The following TLK1 variants were observed in gnomAD, a reference collection of about 807,000 sequenced individuals.
The protein encoded by TLK1 is serine/threonine-protein kinase tousled-like 1.
Under a neutral mutation model 105.3 loss-of-function variants are expected in TLK1, and 24 were observed. The ratio of observed to expected loss-of-function variants is 0.23; its 90% CI spans 0.17 to 0.32. The LOEUF (loss-of-function observed/expected upper bound fraction) is 0.32, where lower values mean the gene tolerates loss of function less well. Ranked by LOEUF, TLK1 falls within the 10% of genes least tolerant of loss-of-function variation. The pLI is 1.00. For synonymous variants in TLK1, 321 were observed against 310.4 expected (o/e 1.03, Z -0.36); for missense variants, 558 against 910.5 (o/e 0.61, Z 4.98).
At chr2:171,000,296 T>A (rs1413450562) in intron 18 of TLK1, among the ~76,000 whole-genome samples, 1 of 150,184 alleles carries the variant, frequency 6.7e-6, no homozygotes, top group Non-Finnish European at 1.5e-5. Flanking sequence ...GAGAAATCGC[T>A]TGAACCTGGG....
At chr2:171,221,200 A>G (rs893650324) in intron 1 of TLK1, among the ~76,000 whole-genome samples, 1 of 152,216 alleles carries the variant, frequency 6.6e-6, no homozygotes, top group Non-Finnish European at 1.5e-5. Flanking sequence ...AGTGTAATGA[A>G]TATCTGTTAT....
intron 2 of TLK1, among the ~76,000 whole-genome samples, chr2:171,089,892 C>T (rs181918761): frequency 6.5e-4 from 99 of 152,228 alleles, no homozygotes; most frequent in Admixed American, 4.0e-3. Context: ...GTATAATTCT[C>T]CCAGCTCTGT....
At chr2:171,132,365 A>G (rs1355953944) in intron 1 of TLK1, among the ~76,000 whole-genome samples, 7 of 152,134 alleles carry the variant, frequency 4.6e-5, no homozygotes, top group Non-Finnish European at 8.8e-5. Context: ...TGGGAACTAC[A>G]ATTCAAGATG....
rs777049271 is a variant in TLK1 at position 171,003,273 on chromosome 2, C to CAAAAAAAAA, written c.1904+2865_1904+2873dup. On this transcript the variant is annotated intron_variant, in intron 18 of 20. Coordinates refer to ENST00000431350, the MANE Select transcript of TLK1 (RefSeq NM_012290.5). Reference sequence around the variant, plus strand: ...TGGGCGACAGAGCAAGACTCCGTCTCAAAAAAAAAAAAAAAAAAAAAAAAA... The same window carrying CAAAAAAAAA: ...TGGGCGACAGAGCAAGACTCCGTCTCAAAAAAAAAAAAAAAAAAAAAAAAAAAAAAAAAA... Among the ~76,000 whole-genome samples the CAAAAAAAAA allele has an allele frequency of 1.3e-3, 92 of 68,470 alleles. 1 individual carries two copies. Among genetic ancestry groups the CAAAAAAAAA allele is most frequent in the African/African-American group, 2.5e-3 (30 of 12,220 alleles). 44.9% of individuals were successfully genotyped at this position (68,470 alleles called of 152,430 possible). A position where few individuals can be genotyped will look rare whatever the true frequency, so the allele number is the denominator to read the frequency against.
chr2:171,060,616 T>G (rs565626409), intron 4 of TLK1, among the ~76,000 whole-genome samples: 2 of 152,336 alleles, frequency 1.3e-5, no homozygotes, highest in African/African-American at 4.8e-5. Flanking sequence ...AGATATTTAG[T>G]TAAATGAAAA....
At chr2:171,185,633 C>T (rs1285500276) in intron 1 of TLK1, among the ~76,000 whole-genome samples, 1 of 152,228 alleles carries the variant, frequency 6.6e-6, no homozygotes, top group East Asian at 1.9e-4. Context: ...TCAGATAAAG[C>T]ACCAACTTCC....
In TLK1 at chr2:171,051,528, T is replaced by C. The variant is rs182966818; in HGVS notation, c.733-1354A>G. Among the ~76,000 whole-genome samples the C allele has an allele frequency of 4.0e-3, 605 of 152,284 alleles. 8 individuals carry two copies. Among genetic ancestry groups the C allele is most frequent in the African/African-American group, 0.014 (583 of 41,566 alleles). On this transcript the variant is annotated intron_variant, in intron 8 of 20. Coordinates refer to ENST00000431350, the MANE Select transcript of TLK1 (RefSeq NM_012290.5). ...TATAATTGTGACCCTAATAGATATATTGAACCTTGATGTGACCTTTGAGAT... is the reference window on the plus strand; with the variant it reads ...TATAATTGTGACCCTAATAGATATACTGAACCTTGATGTGACCTTTGAGAT...
chr2:171,033,281 C>G (rs1686135687), intron 11 of TLK1, among the ~76,000 whole-genome samples: 1 of 152,062 alleles, frequency 6.6e-6, no homozygotes, highest in Non-Finnish European at 1.5e-5. Flanking sequence ...GCAATAAATT[C>G]TTAGATTTGT....
chr2:171,194,130 T>C (rs79912846), intron 1 of TLK1, among the ~76,000 whole-genome samples: 5 of 152,298 alleles, frequency 3.3e-5, no homozygotes, highest in East Asian at 3.9e-4. Context: ...AAGGGCATAG[T>C]TGGGGCTCGC....
At position 171,160,547 on chromosome 2, in the gene TLK1, G is replaced by A. The variant is rs1692445575; in HGVS notation, c.-119C>T. Reference sequence around the variant, plus strand: ...AGGGCGAGCGAGAGAGCGAGGGCTGGGAGGGGAGAGTCAAGGGGATGGGGG... The same window carrying A: ...AGGGCGAGCGAGAGAGCGAGGGCTGAGAGGGGAGAGTCAAGGGGATGGGGG... On this transcript the variant is annotated 5_prime_UTR_variant, in exon 1 of 21. Coordinates refer to ENST00000431350, the MANE Select transcript of TLK1 (RefSeq NM_012290.5). This position sits in a 1 kb window ranked among gnomAD's most constrained non-coding sequence, Gnocchi z 4.4. 1 of 1,537,922 alleles carries A rather than the reference G, an allele frequency of 6.5e-7. No homozygotes were observed. The highest frequency in any genetic ancestry group is 2.2e-5 in the Admixed American group (1 of 44,984).
intron 1 of TLK1, among the ~76,000 whole-genome samples, chr2:171,126,452 C>T (rs75772734): frequency 0.02 from 3,070 of 152,222 alleles, 97 homozygotes; most frequent in African/African-American, 0.068. Context: ...ATTACTAGTT[C>T]TGGTTAGTCA....
intron 1 of TLK1, among the ~76,000 whole-genome samples, chr2:171,219,880 T>C (rs753620059): frequency 6.6e-6 from 1 of 152,120 alleles, no homozygotes; most frequent in Non-Finnish European, 1.5e-5. Flanking sequence ...GGATTACAGG[T>C]GTGAGCCACC....
chr2:171,038,882 T>C (rs985688906), intron 11 of TLK1, among the ~76,000 whole-genome samples: 4 of 152,224 alleles, frequency 2.6e-5, no homozygotes, highest in Non-Finnish European at 5.9e-5. Flanking sequence ...TGTTTTGTTT[T>C]GTAATGCTTT....
At chr2:171,202,473 C>T (rs1346514199) in intron 1 of TLK1, among the ~76,000 whole-genome samples, 1 of 151,688 alleles carries the variant, frequency 6.6e-6, no homozygotes, top group Non-Finnish European at 1.5e-5. Context: ...AAGAATTTCC[C>T]TGCCAGGCGC....
intron 2 of TLK1, among the ~76,000 whole-genome samples, chr2:171,115,767 A>C (rs1046718550): frequency 1.3e-5 from 2 of 152,212 alleles, no homozygotes; most frequent in Non-Finnish European, 2.9e-5. Context: ...CAATGAATTG[A>C]ACAATATATT....
In TLK1 at chr2:170,993,903, G is replaced by A. The variant is rs1239984124; in HGVS notation, c.2178C>T (p.His726=). The part of the protein sequence containing the change: ...AYRKEDRFDV[H]QLANDPYLLP... ...GAAGGTATGGGTCATTTGCCAGCTG[G>A]TGCACATCAAATCGATCTTCTTTTC... The change falls in exon 21 of 21, where the codon CAC becomes CAT. Residue 726 remains histidine, a synonymous_variant. Transcript: ENST00000431350. 9.9e-6 allele frequency: 16 copies of A among 1,611,796 alleles called. No homozygotes were observed. The highest frequency in any genetic ancestry group is 1.1e-5 in the Non-Finnish European group (13 of 1,179,138).
chr2:171,159,960 A>C, intron 1 of TLK1: 1 of 245,866 alleles, frequency 4.1e-6, no homozygotes, highest in East Asian at 7.7e-5. Context: ...TGGCAAATGG[A>C]GCAGAAAGGG....
rs150178044 is a variant in TLK1 at position 171,184,417 on chromosome 2, C to A, written c.-6+46728G>T. 5.9e-3 allele frequency among the ~76,000 whole-genome samples: 893 copies of A among 152,220 alleles called. 11 individuals are homozygous for A. The highest frequency in any genetic ancestry group is 0.02 in the African/African-American group (834 of 41,540). ...CAGCATTTTGGGAGGCCAAGGCAGG[C>A]AGATCACCTGAATTCGGGAGTTTGA... On this transcript the variant is annotated intron_variant, in intron 1 of 20. Transcript: ENST00000521943.
chr2:171,139,118 T>G (rs1691463811), intron 1 of TLK1, among the ~76,000 whole-genome samples: 1 of 152,096 alleles, frequency 6.6e-6, no homozygotes, highest in African/African-American at 2.4e-5. Context: ...GACAAAGAAT[T>G]GAGTACAGAG....
Sources: allele counts gnomAD v4.1 joint callset (sites outside exome capture counted in the v4.1 genomes callset), GRCh38; gene constraint gnomAD v4.1.1; non-coding constraint Gnocchi (gnomAD v3.1); transcripts MANE v1.5; gene names NCBI Gene and HGNC (gene_info 2026-07-23, HGNC 2026-07-21).